Variants in SREK1IP1 observed in about 807,000 individuals in gnomAD.
SREK1IP1 encodes the protein SREK1 interacting protein 1.
A neutral mutation model predicts 22.8 loss-of-function variants in SREK1IP1; 12 were observed. The ratio of observed to expected loss-of-function variants is 0.53; its 90% confidence interval spans 0.34 to 0.85. The LOEUF is 0.85. Ranked by LOEUF, SREK1IP1 falls within the 40% of genes least tolerant of loss-of-function variation. SREK1IP1 has a pLI of 0.02. For missense variants in SREK1IP1, 147 were observed against 171.8 expected (o/e 0.86, Z 0.81); for synonymous variants, 53 against 52.7 (o/e 1.01, Z -0.02).
rs1319990650 is a variant in SREK1IP1, at chr5:64,721,488, CA to C, written c.*2895del. On this transcript the variant is annotated 3_prime_UTR_variant, in exon 5 of 5. Transcript: ENST00000513458. Reference sequence around the variant, plus strand: ...TTCTCATTTATTGTTGTTTTGACCTCAGAGAGTCAAAGATGTAAATGGAGAT... The same window carrying C: ...TTCTCATTTATTGTTGTTTTGACCTCGAGAGTCAAAGATGTAAATGGAGAT... 1.3e-5 allele frequency: 2 copies of C among 151,178 alleles called. No individual in the cohort carries two copies. Among genetic ancestry groups the C allele is most frequent in the Non-Finnish European group, 2.9e-5 (2 of 67,932 alleles). The allele number at this position is 151,178 out of a possible 1,614,324, so 9.4% of individuals were successfully genotyped here. A position where few individuals can be genotyped will look rare whatever the true frequency, so the allele number is the denominator to read the frequency against.
At chr5:64,760,642 C>T (rs1742935939) in intron 1 of SREK1IP1, among the ~76,000 whole-genome samples, 2 of 152,174 alleles carry the variant, frequency 1.3e-5, no homozygotes, top group Non-Finnish European at 1.5e-5. Flanking sequence ...CTCTGATAAA[C>T]TCTCCCACCC....
chr5:64,766,400 A>C (rs1453051098), intron 1 of SREK1IP1, among the ~76,000 whole-genome samples: 5 of 152,154 alleles, frequency 3.3e-5, no homozygotes, highest in African/African-American at 4.8e-5. Context: ...TGAATCAATC[A>C]CCAACTCCTA....
intron 1 of SREK1IP1, among the ~76,000 whole-genome samples, chr5:64,765,983 C>T (rs1743026872): frequency 6.6e-6 from 1 of 152,202 alleles, no homozygotes; most frequent in Admixed American, 6.5e-5. Context: ...GCTGACTCGG[C>T]CTATCAGGAT....
chr5:64,756,076 T>C (rs1039365670), intron 1 of SREK1IP1, among the ~76,000 whole-genome samples: 2 of 152,170 alleles, frequency 1.3e-5, no homozygotes, highest in African/African-American at 4.8e-5. Flanking sequence ...ACAGTAATCC[T>C]GTATAATTAG....
intron 1 of SREK1IP1, among the ~76,000 whole-genome samples, chr5:64,767,001 T>C (rs1399626257): frequency 1.3e-5 from 2 of 152,270 alleles, no homozygotes; most frequent in African/African-American, 4.8e-5. Context: ...TCTTTCATTC[T>C]GACATATTTG....
chr5:64,730,303 C>T (rs566037809), intron 3 of SREK1IP1, among the ~76,000 whole-genome samples: 98 of 151,968 alleles, frequency 6.4e-4, no homozygotes, highest in African/African-American at 2.2e-3. Flanking sequence ...GACTGAAAAA[C>T]AAATGGAAAT....
intron 3 of SREK1IP1, among the ~76,000 whole-genome samples, chr5:64,740,020 A>G (rs1742527386): frequency 6.6e-6 from 1 of 152,196 alleles, no homozygotes; most frequent in African/African-American, 2.4e-5. Context: ...ATTTTATTTC[A>G]GAGTGATATT....
rs755420855 is a variant in SREK1IP1, at chr5:64,752,144, G to GTTTTTTTTTTTTT, written c.61+2170_61+2171insAAAAAAAAAAAAA. On this transcript the variant is annotated intron_variant, in intron 2 of 4. Transcript: ENST00000513458. ...CTCTTTTTCTGTGAATTTTTTTTGT[G>GTTTTTTTTTTTTT]TGTTTTTTTTTTTTTTTTTTTTTTT... Among the ~76,000 whole-genome samples, 5 of 85,476 alleles carry GTTTTTTTTTTTTT rather than the reference G, an allele frequency of 5.8e-5. 1 individual carries two copies. The highest frequency in any genetic ancestry group is 1.1e-4 in the African/African-American group (2 of 18,932). 56.1% of individuals were successfully genotyped at this position (85,476 alleles called of 152,430 possible).
intron 1 of SREK1IP1, among the ~76,000 whole-genome samples, chr5:64,759,064 T>C (rs1329098629): frequency 6.6e-6 from 1 of 152,218 alleles, no homozygotes; most frequent in East Asian, 1.9e-4. Context: ...TTCATTCTGC[T>C]GTCAGGATCC....
chr5:64,724,443 T>C lies in SREK1IP1; in HGVS notation c.409A>G (p.Lys137Glu). The C allele has an allele frequency of 6.3e-7, 1 of 1,588,072 alleles. No homozygotes were observed. The highest frequency in any genetic ancestry group is 2.2e-5 in the East Asian group (1 of 44,614). ...GAAGAATGCTTTTCCTTTTTTCTCT[T>C]CTTTTTTTCCTTTTTGTGATGTTTC... Reference protein sequence around the residue: ...KGKHHKKEKKKRKKEKHSSTP... With the variant: ...KGKHHKKEKKERKKEKHSSTP... Residue 137 changes from lysine (K) to glutamate (E), a missense_variant, in exon 5 of 5, where the codon AAG becomes GAG. Physicochemically the swap from Lys to Glu is moderately conservative, Grantham distance 56. Transcript: ENST00000513458.
intron 3 of SREK1IP1, 127 bp from the exon 4 acceptor site, chr5:64,728,306 AT>A (rs1238231153): frequency 9.7e-6 from 9 of 928,980 alleles, no homozygotes; most frequent in Non-Finnish European, 1.3e-5. Flanking sequence ...TTTTGTAATA[AT>A]TTTCCCCTTT....
intron 2 of SREK1IP1, among the ~76,000 whole-genome samples, chr5:64,749,734 C>T (rs560850221): frequency 6.6e-5 from 10 of 152,314 alleles, no homozygotes; most frequent in African/African-American, 2.4e-4. Flanking sequence ...AGCCACTGCA[C>T]CTGGCCAACT....
intron 2 of SREK1IP1, among the ~76,000 whole-genome samples, chr5:64,750,934 T>C (rs1039181347): frequency 6.6e-6 from 1 of 152,320 alleles, no homozygotes; most frequent in South Asian, 2.1e-4. Context: ...TCTCCATTTA[T>C]CCCAGTTTCT....
At chr5:64,746,372 T>A (rs1463757544) in intron 2 of SREK1IP1, among the ~76,000 whole-genome samples, 4 of 152,082 alleles carry the variant, frequency 2.6e-5, no homozygotes, top group African/African-American at 9.7e-5. Context: ...AAAATGGTCG[T>A]CAGAATTAAA....
intron 3 of SREK1IP1, among the ~76,000 whole-genome samples, chr5:64,733,140 T>C (rs1742405884): frequency 6.6e-6 from 1 of 152,086 alleles, no homozygotes; most frequent in Non-Finnish European, 1.5e-5. Context: ...AAGGTTCTTA[T>C]ATTTGACACC....
intron 1 of SREK1IP1, among the ~76,000 whole-genome samples, chr5:64,761,887 T>A (rs190079968): frequency 2.6e-5 from 4 of 152,032 alleles, no homozygotes; most frequent in Admixed American, 6.5e-5. Context: ...AGAAAAAAAA[T>A]TTTAAAGTTA....
intron 1 of SREK1IP1, among the ~76,000 whole-genome samples, chr5:64,761,500 T>C (rs1222209264): frequency 6.6e-6 from 1 of 152,244 alleles, no homozygotes; most frequent in East Asian, 1.9e-4. Flanking sequence ...TGGTATAGCC[T>C]ACTGCTCCTA....
intron 3 of SREK1IP1, among the ~76,000 whole-genome samples, chr5:64,732,910 T>C (rs1390478051): frequency 1.3e-5 from 2 of 150,650 alleles, no homozygotes; most frequent in Admixed American, 1.3e-4. Flanking sequence ...AACCAACTGA[T>C]TTTTTGGGGA....
intron 2 of SREK1IP1, among the ~76,000 whole-genome samples, chr5:64,751,618 T>C (rs538829712): frequency 6.6e-6 from 1 of 152,336 alleles, no homozygotes; most frequent in African/African-American, 2.4e-5. Flanking sequence ...TTTATAATCT[T>C]TGGGCTCTAC....
Sources: gnomAD v4.1 joint callset for allele counts (sites outside exome capture counted in the v4.1 genomes callset) on GRCh38, gnomAD v4.1.1 for gene constraint, MANE v1.5 for transcripts, NCBI Gene and HGNC (gene_info 2026-07-23, HGNC 2026-07-21) for gene names.